The following KIAA0825 variants were observed in gnomAD, a reference collection of about 807,000 sequenced individuals.
The protein encoded by KIAA0825 is uncharacterized protein KIAA0825.
KIAA0825 carries 119 observed loss-of-function variants against 147.6 expected under a neutral mutation model. That is an observed-to-expected ratio of 0.81 (90% CI 0.69 to 0.94). KIAA0825 has a LOEUF of 0.94. KIAA0825 is among the 40% of genes least tolerant of loss of function. The probability of loss-of-function intolerance (pLI) is 0.00; values close to 1 mark genes in which losing one functional copy is unlikely to be tolerated. For synonymous variants in KIAA0825, 470 were observed against 518.1 expected (o/e 0.91, Z 1.26); for missense variants, 1,381 against 1,472.7 (o/e 0.94, Z 1.02).
chr5:94,238,359 GT>G (rs1775171057), intron 20 of KIAA0825, among the ~76,000 whole-genome samples: 1 of 152,148 alleles, frequency 6.6e-6, no homozygotes, highest in Admixed American at 6.5e-5. Flanking sequence ...AAATGATTCA[GT>G]TTATAGCCAA....
chr5:94,270,440 A>C (rs1776932905), intron 20 of KIAA0825, among the ~76,000 whole-genome samples: 1 of 152,138 alleles, frequency 6.6e-6, no homozygotes, highest in Non-Finnish European at 1.5e-5. Context: ...TACAAAGAAC[A>C]AACATGAAGG....
intron 14 of KIAA0825, among the ~76,000 whole-genome samples, chr5:94,434,553 T>C (rs1382404985): frequency 6.6e-6 from 1 of 152,192 alleles, no homozygotes; most frequent in African/African-American, 2.4e-5. Flanking sequence ...TAGTACATGG[T>C]TATTGTCTTA....
chr5:94,491,700 T>A (rs1040479295), intron 5 of KIAA0825, among the ~76,000 whole-genome samples: 5 of 152,230 alleles, frequency 3.3e-5, no homozygotes, highest in African/African-American at 1.2e-4. Flanking sequence ...AGAATTTATA[T>A]GACTAGAAAA....
At chr5:94,251,522 T>C (rs529372636) in intron 20 of KIAA0825, among the ~76,000 whole-genome samples, 6 of 152,194 alleles carry the variant, frequency 3.9e-5, no homozygotes, top group African/African-American at 1.4e-4. Context: ...TTACATTGCT[T>C]CAGGAATTAG....
At chr5:94,439,902 T>C in intron 14 of KIAA0825, 80 bp downstream of exon 14, 2 of 1,395,904 alleles carry the variant, frequency 1.4e-6, no homozygotes, top group Non-Finnish European at 1.9e-6. Context: ...TCTTCCAATG[T>C]TTGCCTAGGA....
rs1749188033 is a variant in KIAA0825 at position 94,386,675 on chromosome 5, T to C, written c.3457-271A>G. Among the ~76,000 whole-genome samples the C allele has an allele frequency of 2.0e-5, 3 of 152,214 alleles. No individual in the cohort carries two copies. The South Asian group carries it at 6.2e-4, about 31-fold the overall frequency. Reference sequence around the variant, plus strand: ...ATATAATGAATATATGTTTGATATATCAGGACCTTTTTAACAGGCATTGTC... The same window carrying C: ...ATATAATGAATATATGTTTGATATACCAGGACCTTTTTAACAGGCATTGTC... On this transcript the variant is annotated intron_variant, in intron 18 of 20. Transcript: ENST00000682413.
At chr5:94,488,531 TGAG>T (rs1763331430) in intron 5 of KIAA0825, among the ~76,000 whole-genome samples, 2 of 152,084 alleles carry the variant, frequency 1.3e-5, no homozygotes, top group South Asian at 4.1e-4. Flanking sequence ...ACGTAAATAA[TGAG>T]GAGATAGTTG....
At chr5:94,307,683 G>A (rs1778835184) in intron 20 of KIAA0825, among the ~76,000 whole-genome samples, 1 of 151,558 alleles carries the variant, frequency 6.6e-6, no homozygotes, top group Non-Finnish European at 1.5e-5. Context: ...CAAATTGCAG[G>A]TCAAATTCTA....
At chr5:94,551,285 C>T (rs1360734736) in intron 2 of KIAA0825, among the ~76,000 whole-genome samples, 2 of 151,842 alleles carry the variant, frequency 1.3e-5, no homozygotes, top group Non-Finnish European at 2.9e-5. Flanking sequence ...CAAAGATATA[C>T]AAACCTTATT....
intron 5 of KIAA0825, among the ~76,000 whole-genome samples, chr5:94,518,616 T>A (rs1010859335): frequency 6.6e-6 from 1 of 152,134 alleles, no homozygotes; most frequent in Non-Finnish European, 1.5e-5. Context: ...TTTCTTTCTG[T>A]GTTCATGAAA....
At chr5:94,560,296 TGTCA>T (rs1329597892) in intron 2 of KIAA0825, among the ~76,000 whole-genome samples, 1 of 152,188 alleles carries the variant, frequency 6.6e-6, no homozygotes, top group African/African-American at 2.4e-5. Flanking sequence ...ATCTGCCTCA[TGTCA>T]GTAATTATTT....
intron 17 of KIAA0825, among the ~76,000 whole-genome samples, chr5:94,392,982 C>CAA (rs752875230): frequency 2.4e-5 from 3 of 126,168 alleles, no homozygotes; most frequent in Admixed American, 7.9e-5. Context: ...ATACAGGTTG[C>CAA]AAAAAAAAAA....
intron 20 of KIAA0825, among the ~76,000 whole-genome samples, chr5:94,250,358 T>C (rs1775885800): frequency 6.6e-6 from 1 of 152,166 alleles, no homozygotes; most frequent in African/African-American, 2.4e-5. Context: ...AATGTTTTTA[T>C]TGCAACTATG....
rs1299740634 is a variant in KIAA0825, at chr5:94,537,141, A to G, written c.-1-14T>C. 2 of 1,594,152 alleles carry G rather than the reference A, an allele frequency of 1.3e-6. No individual in the cohort carries two copies. The highest frequency in any genetic ancestry group is 1.7e-6 in the Non-Finnish European group (2 of 1,170,668). On this transcript the variant is annotated splice_polypyrimidine_tract_variant and intron_variant, in intron 2 of 20. Transcript: ENST00000682413. Reference sequence around the variant, plus strand: ...TCCCAATCCATTCTGAGGAGCAAGAATAAATAATAAAACATGTCAGTTCCC... The same window carrying G: ...TCCCAATCCATTCTGAGGAGCAAGAGTAAATAATAAAACATGTCAGTTCCC...
intron 2 of KIAA0825, among the ~76,000 whole-genome samples, chr5:94,576,771 A>C (rs565559282): frequency 6.8e-4 from 104 of 152,364 alleles, no homozygotes; most frequent in African/African-American, 2.4e-3. Flanking sequence ...TACTCACGGA[A>C]GAATCTATTT....
intron 20 of KIAA0825, among the ~76,000 whole-genome samples, chr5:94,244,856 AAT>A (rs1211185720): frequency 5.9e-5 from 9 of 152,170 alleles, no homozygotes. Context: ...CCATTGACAC[AAT>A]TATGATTACT....
chr5:94,326,844 G>T (rs926053110), intron 20 of KIAA0825, among the ~76,000 whole-genome samples: 1 of 152,212 alleles, frequency 6.6e-6, no homozygotes, highest in Non-Finnish European at 1.5e-5. Context: ...GGGCACAAAA[G>T]CACTCTGGCC....
intron 20 of KIAA0825, among the ~76,000 whole-genome samples, chr5:94,201,063 A>G (rs947431828): frequency 9.4e-5 from 14 of 148,486 alleles, no homozygotes; most frequent in Non-Finnish European, 1.0e-4. Flanking sequence ...CAGTATCTGC[A>G]TAAAAATACT....
intron 18 of KIAA0825, among the ~76,000 whole-genome samples, chr5:94,389,219 T>C (rs1301737779): frequency 1.3e-5 from 2 of 152,164 alleles, no homozygotes; most frequent in African/African-American, 4.8e-5. Context: ...ATGAAGGTCG[T>C]CAGGTGGAGG....
Sources: allele counts gnomAD v4.1 joint callset (sites outside exome capture counted in the v4.1 genomes callset), GRCh38; gene constraint gnomAD v4.1.1; transcripts MANE v1.5; gene names NCBI Gene and HGNC (gene_info 2026-07-23, HGNC 2026-07-21).